The following PTPRJ variants were observed in gnomAD, a reference collection of about 807,000 sequenced individuals.
PTPRJ encodes protein tyrosine phosphatase receptor type J.
Under a neutral mutation model 141.3 loss-of-function variants are expected in PTPRJ, and 129 were observed. That is an observed-to-expected ratio of 0.91 (90% confidence interval 0.79 to 1.06). The LOEUF (loss-of-function observed/expected upper bound fraction) is 1.06, where lower values mean the gene tolerates loss of function less well. Among genes scored for constraint, PTPRJ ranks in the 50% least tolerant of loss-of-function variants. The pLI is 0.00. For synonymous variants in PTPRJ, 610 were observed against 640.5 expected (o/e 0.95, Z 0.72); for missense variants, 1,601 against 1,679.7 (o/e 0.95, Z 0.82).
chr11:48,154,038 C>T, intron 19 of PTPRJ, 152 bp downstream of exon 19: 1 of 682,186 alleles, frequency 1.5e-6, no homozygotes. Context: ...TATTCACCTA[C>T]TATGTGCTAA....
At chr11:47,993,447 C>T (rs1035054430) in intron 1 of PTPRJ, among the ~76,000 whole-genome samples, 15 of 152,188 alleles carry the variant, frequency 9.9e-5, no homozygotes, top group East Asian at 3.9e-4. Context: ...TGTGCACCAC[C>T]ACACCCAGCT....
intron 15 of PTPRJ, among the ~76,000 whole-genome samples, chr11:48,147,518 C>T (rs537608261): frequency 2.0e-5 from 3 of 152,320 alleles, no homozygotes; most frequent in African/African-American, 7.2e-5. Context: ...TCACCGTGTG[C>T]CTGCATCTGT....
intron 1 of PTPRJ, among the ~76,000 whole-genome samples, chr11:48,093,741 G>GT (rs1355264353): frequency 6.6e-6 from 1 of 150,902 alleles, no homozygotes; most frequent in Non-Finnish European, 1.5e-5. Flanking sequence ...TTTTATCCGA[G>GT]TTTATTTGGG....
chr11:48,161,247 G>C (rs1857767203), intron 22 of PTPRJ, among the ~76,000 whole-genome samples: 1 of 150,752 alleles, frequency 6.6e-6, no homozygotes, highest in Non-Finnish European at 1.5e-5. Flanking sequence ...GGACATGGTA[G>C]GATGTAATGT....
chr11:48,156,250 G>T, intron 21 of PTPRJ, 131 bp downstream of exon 21: 6 of 735,406 alleles, frequency 8.2e-6, no homozygotes, highest in East Asian at 3.0e-5. Flanking sequence ...TTATAAACTT[G>T]TTTTCTGTCT....
At chr11:48,099,698 G>A (rs1856105433) in intron 1 of PTPRJ, among the ~76,000 whole-genome samples, 1 of 152,136 alleles carries the variant, frequency 6.6e-6, no homozygotes. Context: ...TGTCTGCTTT[G>A]TGGCATTTCT....
intron 1 of PTPRJ, among the ~76,000 whole-genome samples, chr11:48,010,426 G>A (rs371269269): frequency 1.3e-5 from 2 of 151,910 alleles, no homozygotes; most frequent in East Asian, 1.9e-4. Flanking sequence ...TGATCCGCCC[G>A]TCTCAGCCTC....
At position 48,144,753 on chromosome 11, in the gene PTPRJ, A is replaced by G; in HGVS notation, c.2654A>G (p.Tyr885Cys). The change falls in exon 13 of 25, where the codon TAC (tyrosine) becomes TGC (cysteine). Residue 885 changes from tyrosine to cysteine, a missense_variant. By Grantham distance (194) the Tyr-to-Cys change is radical (BLOSUM62 -2). Coordinates refer to ENST00000418331, the MANE Select transcript of PTPRJ (RefSeq NM_002843.4). ...GGAGCCTCAGATACTTATGTGACAT[A>G]CCTCATAAGAACAGAAGAAAAGGGA... ...KKGASDTYVT[Y>C]LIRTEEKGRS... is the part of the protein sequence containing the mutation. 1 of 1,614,068 alleles carries G rather than the reference A, an allele frequency of 6.2e-7. No individual in the cohort carries two copies. Among genetic ancestry groups the G allele is most frequent in the African/African-American group, 1.3e-5 (1 of 75,060 alleles).
In PTPRJ at chr11:48,131,833, G is replaced by T. The variant is rs544109263; in HGVS notation, c.1615+1117G>T. Reference sequence around the variant, plus strand: ...AGGGATCCCTAGGTTCTTTCAAGGGGTCTCCAAGGTAGTATTATCATAACA... The same window carrying T: ...AGGGATCCCTAGGTTCTTTCAAGGGTTCTCCAAGGTAGTATTATCATAACA... On this transcript the variant is annotated intron_variant, in intron 8 of 24. Coordinates refer to ENST00000418331, the MANE Select transcript of PTPRJ (RefSeq NM_002843.4). 12 of 316,232 alleles carry T rather than the reference G, an allele frequency of 3.8e-5. No individual in the cohort carries two copies. The South Asian group carries it at 4.0e-4, about 11-fold the overall frequency. The allele number at this position is 316,232 out of a possible 1,614,324, so 19.6% of individuals were successfully genotyped here.
At chr11:48,029,823 A>G (rs1441298149) in intron 1 of PTPRJ, among the ~76,000 whole-genome samples, 1 of 152,196 alleles carries the variant, frequency 6.6e-6, no homozygotes, top group African/African-American at 2.4e-5. Context: ...TTAGCTGCGT[A>G]AGAGAAAGAA....
chr11:48,039,632 A>G (rs1036840674), intron 1 of PTPRJ, among the ~76,000 whole-genome samples: 2 of 151,376 alleles, frequency 1.3e-5, no homozygotes, highest in Non-Finnish European at 3.0e-5. Context: ...TCTGAATAAC[A>G]TCATTTCTTT....
At chr11:48,021,256 CCCAGCTA>C (rs1212691615) in intron 1 of PTPRJ, among the ~76,000 whole-genome samples, 4 of 152,058 alleles carry the variant, frequency 2.6e-5, no homozygotes, top group Non-Finnish European at 5.9e-5. Flanking sequence ...TGCCTGTAAT[CCCAGCTA>C]CTGGGGAGGC....
intron 1 of PTPRJ, among the ~76,000 whole-genome samples, chr11:48,008,650 C>T (rs1209880595): frequency 1.3e-5 from 2 of 151,774 alleles, no homozygotes; most frequent in African/African-American, 2.4e-5. Context: ...CTGCAACCTC[C>T]GCCTCCCAGG....
intron 1 of PTPRJ, among the ~76,000 whole-genome samples, chr11:48,025,531 C>T (rs777238305): frequency 1.3e-4 from 20 of 152,140 alleles, no homozygotes; most frequent in Non-Finnish European, 2.5e-4. Context: ...GGTCAGATAC[C>T]GGAATTGCCA....
At chr11:48,132,934 C>T (rs916349774) in intron 8 of PTPRJ, among the ~76,000 whole-genome samples, 15 of 152,146 alleles carry the variant, frequency 9.9e-5, no homozygotes, top group South Asian at 2.1e-4. Flanking sequence ...GACGTCTTAA[C>T]GTCAACATGT....
At chr11:48,047,912 C>T (rs1314448464) in intron 1 of PTPRJ, among the ~76,000 whole-genome samples, 2 of 151,876 alleles carry the variant, frequency 1.3e-5, no homozygotes, top group Admixed American at 6.6e-5. Context: ...GCAGCCTTCA[C>T]GTCTTGTGGG....
rs537835534 is a variant in PTPRJ, at chr11:48,167,597, G to T, written c.*235G>T. On this transcript the variant is annotated 3_prime_UTR_variant, in exon 25 of 25. Coordinates refer to ENST00000418331, the MANE Select transcript of PTPRJ (RefSeq NM_002843.4). ...CATTCCTGATGACCAATGGGATGAG[G>T]TCACTTTTTTTTTTTTTCCCCCTTG... 5.2e-6 allele frequency: 2 copies of T among 385,284 alleles called. No individual in the cohort carries two copies. The highest frequency in any genetic ancestry group is 2.1e-5 in the African/African-American group (1 of 47,826). 23.9% of individuals were successfully genotyped at this position (385,284 alleles called of 1,614,324 possible).
intron 1 of PTPRJ, among the ~76,000 whole-genome samples, chr11:48,055,628 C>CTT (rs1329253304): frequency 6.6e-6 from 1 of 152,156 alleles, no homozygotes; most frequent in Non-Finnish European, 1.5e-5. Flanking sequence ...GGCTAGCTTC[C>CTT]AAGGCATACT....
chr11:48,043,841 T>C (rs1854327300), intron 1 of PTPRJ, among the ~76,000 whole-genome samples: 1 of 152,142 alleles, frequency 6.6e-6, no homozygotes, highest in Admixed American at 6.5e-5. Context: ...GAAACCATCC[T>C]ACAGGTGGAG....
Sources: allele counts gnomAD v4.1 joint callset (sites outside exome capture counted in the v4.1 genomes callset), GRCh38; gene constraint gnomAD v4.1.1; transcripts MANE v1.5; gene names NCBI Gene and HGNC (gene_info 2026-07-23, HGNC 2026-07-21).